CPN1: variants seen among roughly 807,000 people sequenced by gnomAD.
The protein encoded by CPN1 is carboxypeptidase N subunit 1, also known as carboxypeptidase N catalytic chain.
CPN1 carries 37 observed loss-of-function variants against 46.4 expected under a neutral mutation model. That is an observed-to-expected ratio of 0.80 (90% CI 0.61 to 1.05). CPN1 has a LOEUF of 1.05. Ranked by LOEUF, CPN1 falls within the 50% of genes least tolerant of loss-of-function variation. The pLI is 0.00. For missense variants in CPN1, 563 were observed against 602.6 expected (o/e 0.93, Z 0.69); for synonymous variants, 224 against 235.4 (o/e 0.95, Z 0.44).
At chr10:100,078,731 A>G (rs2041528582) in intron 1 of CPN1, among the ~76,000 whole-genome samples, 1 of 152,180 alleles carries the variant, frequency 6.6e-6, no homozygotes. Context: ...CCCTGTTCTG[A>G]GTGATCTTTA....
intron 2 of CPN1, among the ~76,000 whole-genome samples, chr10:100,070,082 C>G (rs2041475915): frequency 6.6e-6 from 1 of 151,902 alleles, no homozygotes; most frequent in Non-Finnish European, 1.5e-5. Context: ...ACCACCACAC[C>G]CGCTAATTGT....
rs2041545365 is a variant in CPN1, at chr10:100,081,452, T to C, written c.174A>G (p.Arg58=). The C allele has an allele frequency of 1.2e-6, 2 of 1,613,688 alleles. No homozygotes were observed. Among genetic ancestry groups the C allele is most frequent in the Non-Finnish European group, 8.5e-7 (1 of 1,180,032 alleles). ...VYSIGRSVEG[R]HLYVLEFSDH... is the part of the protein sequence containing the mutation. ...CGCTGAACTCCAGCACGTAGAGGTG[T>C]CTCCCCTCCACGCTGCGCCCAATGC... is the stretch of plus-strand genomic sequence containing the variant. The change falls in exon 1 of 9, where the codon AGA becomes AGG. Residue 58 remains arginine (R), a synonymous_variant. Transcript: ENST00000370418.
At position 100,042,318 on chromosome 10, in the gene CPN1, AAT is replaced by A; in HGVS notation, c.*107_*108del. On this transcript the variant is annotated 3_prime_UTR_variant, in exon 9 of 9. Transcript: ENST00000370418. Reference sequence around the variant, plus strand: ...ATGGAGACCATTCTGAATTGTTCTGAATATGTTTGTATTTAAATATGTCCCAG... The same window carrying A: ...ATGGAGACCATTCTGAATTGTTCTGAATGTTTGTATTTAAATATGTCCCAG... The A allele has an allele frequency of 1.4e-6, 2 of 1,434,494 alleles. No homozygotes were observed. Among genetic ancestry groups the A allele is most frequent in the South Asian group, 2.3e-5 (2 of 86,774 alleles). The allele number at this position is 1,434,494 out of a possible 1,614,324, so 88.9% of individuals were successfully genotyped here.
At chr10:100,063,488 C>G in intron 5 of CPN1, 126 bp downstream of exon 5, 1 of 768,726 alleles carries the variant, frequency 1.3e-6, no homozygotes, top group South Asian at 1.4e-5. Flanking sequence ...TCCTCATTTT[C>G]CAGATCTCAA....
intron 5 of CPN1, among the ~76,000 whole-genome samples, chr10:100,060,295 C>T (rs1008331535): frequency 6.6e-6 from 1 of 152,174 alleles, no homozygotes; most frequent in Non-Finnish European, 1.5e-5. Context: ...GGCATGGTGG[C>T]TCATGCCTGT....
chr10:100,075,564 A>G (rs948279736), intron 2 of CPN1, among the ~76,000 whole-genome samples: 3 of 152,208 alleles, frequency 2.0e-5, no homozygotes, highest in Non-Finnish European at 4.4e-5. Flanking sequence ...AAGGAGCTTT[A>G]TTTTGCAATA....
At chr10:100,071,158 T>A (rs775705939) in intron 2 of CPN1, among the ~76,000 whole-genome samples, 14 of 152,230 alleles carry the variant, frequency 9.2e-5, no homozygotes, top group Non-Finnish European at 1.6e-4. Flanking sequence ...TGTGGATTTA[T>A]CACATTTTGT....
intron 5 of CPN1, 92 bp from the exon 6 acceptor site, chr10:100,057,244 G>T: frequency 2.1e-6 from 3 of 1,447,028 alleles, no homozygotes; most frequent in Non-Finnish European, 1.9e-6. Flanking sequence ...AAAATTTTCT[G>T]TTTTTATTTA....
At chr10:100,075,327 C>T (rs938826501) in intron 2 of CPN1, among the ~76,000 whole-genome samples, 4 of 152,102 alleles carry the variant, frequency 2.6e-5, no homozygotes, top group African/African-American at 7.2e-5. Context: ...TCTTATCGGT[C>T]CCACTGCAAA....
Position 100,054,591 on chromosome 10 carries a change from C to A in CPN1, c.1012-145G>T, listed in dbSNP as rs1168779342. ...ATAGTCCCTTAACTGGTCTCTTTGC[C>A]TCTCTCCCTGCCCCAATTAATCTCT... On this transcript the variant is annotated intron_variant, in intron 6 of 8. Coordinates refer to ENST00000370418, the MANE Select transcript of CPN1 (RefSeq NM_001308.3). 1.3e-5 allele frequency: 9 copies of A among 695,018 alleles called. No homozygotes were observed. The Admixed American group carries it at 1.9e-4, about 14-fold the overall frequency. The allele number at this position is 695,018 out of a possible 1,614,324, so 43.1% of individuals were successfully genotyped here. A position where few individuals can be genotyped will look rare whatever the true frequency, so the allele number is the denominator to read the frequency against.
chr10:100,051,836 T>C (rs925718390), intron 7 of CPN1, among the ~76,000 whole-genome samples: 1 of 152,038 alleles, frequency 6.6e-6, no homozygotes, highest in African/African-American at 2.4e-5. Flanking sequence ...GCCTAATAAT[T>C]TGTTAATTAA....
intron 5 of CPN1, among the ~76,000 whole-genome samples, chr10:100,059,512 C>T (rs1232278299): frequency 1.3e-5 from 2 of 150,304 alleles, no homozygotes; most frequent in African/African-American, 2.5e-5. Flanking sequence ...TGAAAAGATG[C>T]TCAATATCAC....
chr10:100,071,162 AT>A (rs1257822762), intron 2 of CPN1, among the ~76,000 whole-genome samples: 2 of 152,122 alleles, frequency 1.3e-5, no homozygotes, highest in Non-Finnish European at 2.9e-5. Flanking sequence ...GATTTATCAC[AT>A]TTTGTTTATC....
At chr10:100,059,638 A>G (rs972823815) in intron 5 of CPN1, among the ~76,000 whole-genome samples, 1 of 151,532 alleles carries the variant, frequency 6.6e-6, no homozygotes, top group Non-Finnish European at 1.5e-5. Context: ...AAAAATTGAA[A>G]CTCCCGTGCA....
rs2041436772 is a variant in CPN1 at position 100,063,861 on chromosome 10, A to T, written c.760-136T>A. On this transcript the variant is annotated intron_variant, in intron 4 of 8. Transcript: ENST00000370418. ...GGATTATTTGCTTTAGTGAAAGAAA[A>T]TAGGATCAGGGATAGAAACAGCGTG... 4.2e-6 allele frequency: 3 copies of T among 720,654 alleles called. No individual in the cohort carries two copies. The East Asian group carries it at 8.1e-5, about 19-fold the overall frequency. 44.6% of individuals were successfully genotyped at this position (720,654 alleles called of 1,614,324 possible).
chr10:100,054,568 A>G (rs2041374391), intron 6 of CPN1, 122 bp from the exon 7 acceptor site: 1 of 797,776 alleles, frequency 1.3e-6, no homozygotes, highest in Admixed American at 2.0e-5. Context: ...TGATGGTAAT[A>G]GTCCCTTAAC....
chr10:100,046,847 G>A (rs2133424592), intron 8 of CPN1, among the ~76,000 whole-genome samples: 1 of 152,066 alleles, frequency 6.6e-6, no homozygotes, highest in East Asian at 1.9e-4. Flanking sequence ...GCCGAGGTGG[G>A]CAGATCACCT....
In CPN1 at chr10:100,072,990, C is replaced by G. The variant is rs144257449; in HGVS notation, c.420+2921G>C. ...GTTCCTGGAAGTGAATGAATGGATG[C>G]CGGGAAGCTACAATCTCACAGATGA... On this transcript the variant is annotated intron_variant, in intron 2 of 8. Transcript: ENST00000370418. 6.8e-4 allele frequency among the ~76,000 whole-genome samples: 104 copies of G among 152,308 alleles called. 2 individuals carry two copies. The East Asian group carries it at 0.019, about 28-fold the overall frequency.
intron 4 of CPN1, 88 bp from the exon 5 acceptor site, chr10:100,063,813 G>A: frequency 1.1e-6 from 1 of 935,246 alleles, no homozygotes; most frequent in Non-Finnish European, 1.8e-6. Context: ...AAGCCAAGAA[G>A]CCCTGCTGGG....
Sources: gnomAD v4.1 joint callset for allele counts (sites outside exome capture counted in the v4.1 genomes callset) on GRCh38, gnomAD v4.1.1 for gene constraint, MANE v1.5 for transcripts, NCBI Gene and HGNC (gene_info 2026-07-23, HGNC 2026-07-21) for gene names.